The following THTPA variants were observed in gnomAD, a reference collection of about 807,000 sequenced individuals.
THTPA encodes thiamine triphosphatase.
A neutral mutation model predicts 16.5 loss-of-function variants in THTPA; 16 were observed. The ratio of observed to expected loss-of-function variants is 0.97; its 90% confidence interval spans 0.66 to 1.47. The LOEUF is 1.47. THTPA is among the 40% of genes most tolerant of loss of function. The pLI, the probability that THTPA is intolerant of heterozygous loss-of-function variation, is 0.00. For synonymous variants in THTPA, 110 were observed against 115.5 expected (o/e 0.95, Z 0.30); for missense variants, 281 against 280.9 (o/e 1.00, Z 0.00).
chr14:23,538,329 C>T, the THTPA span, among the ~76,000 whole-genome samples: 1 of 151,006 alleles, frequency 6.6e-6, no homozygotes, highest in East Asian at 2.0e-4. Flanking sequence ...AACCCCAACT[C>T]CCCATCCCCC....
At chr14:23,529,194 G>T in the THTPA span, among the ~76,000 whole-genome samples, 1 of 152,212 alleles carries the variant, frequency 6.6e-6, no homozygotes, top group East Asian at 1.9e-4. Context: ...TGCTGCCTAG[G>T]TCTGAGTCCT....
At chr14:23,529,576 G>A in the THTPA span, 2 of 919,856 alleles carry the variant, frequency 2.2e-6, no homozygotes, top group Non-Finnish European at 3.3e-6. Context: ...GGATCTGGGT[G>A]GAATTTCTTA....
chr14:23,548,720 TTCTC>T, the THTPA span, among the ~76,000 whole-genome samples: 2 of 151,336 alleles, frequency 1.3e-5, no homozygotes, highest in Admixed American at 6.6e-5. Context: ...GCTCGTGAGG[TTCTC>T]TCTCTCTCTG....
At chr14:23,522,624 C>G in the THTPA span, 1 of 1,533,988 alleles carries the variant, frequency 6.5e-7, no homozygotes, top group African/African-American at 1.4e-5. Flanking sequence ...GTTCCCCCAG[C>G]AGGGGGCAAT....
At chr14:23,532,736 C>T in the THTPA span, 3 of 1,535,906 alleles carry the variant, frequency 2.0e-6, no homozygotes, top group East Asian at 4.9e-5. Context: ...GCCCATGGCT[C>T]CACCCCCCTC....
At chr14:23,530,457 T>C in the THTPA span, 1 of 650,090 alleles carries the variant, frequency 1.5e-6, no homozygotes, top group Non-Finnish European at 2.8e-6. Flanking sequence ...AGTCCAGCAG[T>C]AGACAGCAGA....
chr14:23,534,861 C>A, the THTPA span: 1 of 1,536,110 alleles, frequency 6.5e-7, no homozygotes, highest in Non-Finnish European at 8.7e-7. This position sits in a 1 kb window ranked among gnomAD's most constrained non-coding sequence, Gnocchi z 4.5. Flanking sequence ...CAAGGAAGGG[C>A]AGACTGGGCT....
the THTPA span, chr14:23,526,981 G>A: frequency 4.7e-6 from 7 of 1,500,834 alleles, no homozygotes; most frequent in Non-Finnish European, 4.4e-6. Context: ...AGCCTGCAAT[G>A]AGAAAAAGCC....
the THTPA span, among the ~76,000 whole-genome samples, chr14:23,540,720 A>G: frequency 6.6e-6 from 1 of 152,156 alleles, no homozygotes; most frequent in African/African-American, 2.4e-5. Context: ...TATCTGGGAA[A>G]ATGGGAATAA....
chr14:23,532,968 G>A, the THTPA span: 125 of 1,536,102 alleles, frequency 8.1e-5, no homozygotes, highest in African/African-American at 9.6e-5. Flanking sequence ...ACTAGGCAGC[G>A]GAACACCTTC....
chr14:23,558,641 T>C, intron 1 of THTPA, 54 bp from the exon 2 acceptor site: 1 of 1,609,638 alleles, frequency 6.2e-7, no homozygotes, highest in Non-Finnish European at 8.5e-7. Flanking sequence ...GGGAGCAGAG[T>C]CCAAGTGCTT....
the THTPA span, among the ~76,000 whole-genome samples, chr14:23,514,851 T>G: frequency 3.0e-4 from 46 of 152,228 alleles, no homozygotes; most frequent in African/African-American, 1.1e-3. Flanking sequence ...CCTTAACAAC[T>G]GGGCTGAGTC....
chr14:23,518,228 C>T, the THTPA span, among the ~76,000 whole-genome samples: 12,173 of 152,180 alleles, frequency 0.08, 635 homozygotes, highest in East Asian at 0.15. The surrounding 1 kb of genome is among the most constrained non-coding windows in gnomAD (Gnocchi z 4.5). Flanking sequence ...ACATATCTTT[C>T]CAGGGATGAA....
rs1317328410 is a variant in THTPA at position 23,556,977 on chromosome 14, G to C, written c.220G>C (p.Gly74Arg). 1 of 1,614,192 alleles carries C rather than the reference G, an allele frequency of 6.2e-7. No homozygotes were observed. The highest frequency in any genetic ancestry group is 1.1e-5 in the South Asian group (1 of 91,080). ...ATGTCCTGGAGCAGCAGGTGTCTTA[G>C]GACCCCACACGGAGTATAAGGAACT... ...LKCPGAAGVLGPHTEYKELTA... is the reference protein window; with the variant it reads ...LKCPGAAGVLRPHTEYKELTA... The change falls in exon 1 of 2, where the codon GGA becomes CGA. Residue 74 changes from glycine (G) to arginine (R), a missense_variant. Coordinates refer to ENST00000288014, the MANE Select transcript of THTPA (RefSeq NM_024328.6).
the THTPA span, chr14:23,525,210 C>T: frequency 9.8e-6 from 15 of 1,536,146 alleles, no homozygotes; most frequent in Non-Finnish European, 1.3e-5. The surrounding 1 kb of genome is among the most constrained non-coding windows in gnomAD (Gnocchi z 5.9). Flanking sequence ...TCTTCCTCTT[C>T]TATGGGCCAG....
At chr14:23,553,209 A>G (rs1368156210), upstream of THTPA, among the ~76,000 whole-genome samples, 1 of 152,242 alleles carries the variant, frequency 6.6e-6, no homozygotes, top group Non-Finnish European at 1.5e-5. Flanking sequence ...CATGACAAAA[A>G]GGAGAGATAA....
the THTPA span, chr14:23,525,510 C>G: frequency 2.0e-6 from 3 of 1,535,736 alleles, no homozygotes; most frequent in South Asian, 2.4e-5. This position sits in a 1 kb window ranked among gnomAD's most constrained non-coding sequence, Gnocchi z 5.9. Context: ...GCCAGCTTGT[C>G]CCCACCCCCG....
Position 23,557,320 on chromosome 14 carries a change from C to T in THTPA, c.547+16C>T. ...AGCATGCTTGGTGAGGGAGACAGGCCCTTTTGTGCTTTTCCTGCTCCCCAC... is the reference window on the plus strand; with the variant it reads ...AGCATGCTTGGTGAGGGAGACAGGCTCTTTTGTGCTTTTCCTGCTCCCCAC... On this transcript the variant is annotated intron_variant, in intron 1 of 1. Coordinates refer to ENST00000288014, the MANE Select transcript of THTPA (RefSeq NM_024328.6). The T allele has an allele frequency of 6.4e-7, 1 of 1,563,282 alleles. No individual in the cohort carries two copies. Among genetic ancestry groups the T allele is most frequent in the Non-Finnish European group, 8.6e-7 (1 of 1,159,140 alleles).
chr14:23,516,063 T>C, the THTPA span, among the ~76,000 whole-genome samples: 1 of 152,208 alleles, frequency 6.6e-6, no homozygotes, highest in South Asian at 2.1e-4. Context: ...CCCTGGGTGC[T>C]GAAGAGATGG....
Sources: allele counts gnomAD v4.1 joint callset (sites outside exome capture counted in the v4.1 genomes callset), GRCh38; gene constraint gnomAD v4.1.1; non-coding constraint Gnocchi (gnomAD v3.1); transcripts MANE v1.5; gene names NCBI Gene and HGNC (gene_info 2026-07-23, HGNC 2026-07-21).